Variants in KCNH7 observed in about 807,000 individuals in gnomAD.
KCNH7 encodes voltage-gated inwardly rectifying potassium channel KCNH7.
A neutral mutation model predicts 120.8 loss-of-function variants in KCNH7; 49 were observed. The observed-to-expected ratio is 0.41, with a 90% CI of 0.32 to 0.51. KCNH7 has a LOEUF of 0.51. Ranked by LOEUF, KCNH7 falls within the 20% of genes least tolerant of loss-of-function variation. The probability of loss-of-function intolerance (pLI) is 0.38; values close to 1 mark genes in which losing one functional copy is unlikely to be tolerated. For synonymous variants in KCNH7, 547 were observed against 516.1 expected (o/e 1.06, Z -0.81); for missense variants, 1,097 against 1,446.6 (o/e 0.76, Z 3.92).
intron 2 of KCNH7, among the ~76,000 whole-genome samples, chr2:162,772,180 TATC>T (rs1683080369): frequency 6.6e-6 from 1 of 152,102 alleles, no homozygotes; most frequent in South Asian, 2.1e-4. Flanking sequence ...AGGCCAAAAA[TATC>T]ATAAAGAATG....
At chr2:162,756,593 T>G (rs1688796996) in intron 2 of KCNH7, among the ~76,000 whole-genome samples, 1 of 152,142 alleles carries the variant, frequency 6.6e-6, no homozygotes, top group African/African-American at 2.4e-5. Context: ...GCTTCCTGAA[T>G]AGCTGGGACT....
intron 2 of KCNH7, among the ~76,000 whole-genome samples, chr2:162,742,968 T>G (rs1411134073): frequency 1.3e-5 from 2 of 152,232 alleles, no homozygotes; most frequent in Non-Finnish European, 2.9e-5. Flanking sequence ...TGTTATTCTT[T>G]GCTTTCAGTA....
intron 6 of KCNH7, among the ~76,000 whole-genome samples, chr2:162,480,211 T>G (rs1319475811): frequency 6.6e-6 from 1 of 152,146 alleles, no homozygotes; most frequent in East Asian, 1.9e-4. Flanking sequence ...GTGTATGCAT[T>G]TTTTTGTGGT....
intron 2 of KCNH7, among the ~76,000 whole-genome samples, chr2:162,777,336 G>T (rs1559128833): frequency 6.6e-6 from 1 of 152,016 alleles, no homozygotes; most frequent in Admixed American, 6.6e-5. Flanking sequence ...CAATGTAAAT[G>T]CCATATCAAT....
chr2:162,827,704 T>A (rs948634385), intron 2 of KCNH7, among the ~76,000 whole-genome samples: 1 of 152,142 alleles, frequency 6.6e-6, no homozygotes, highest in Non-Finnish European at 1.5e-5. Context: ...AAGAGGTGTA[T>A]CATTTGGAGG....
chr2:162,667,157 C>A (rs1460932261), intron 2 of KCNH7, among the ~76,000 whole-genome samples: 1 of 151,688 alleles, frequency 6.6e-6, no homozygotes, highest in Non-Finnish European at 1.5e-5. Flanking sequence ...GTAGCTGGGA[C>A]TATAGGTGTA....
chr2:162,699,374 T>C (rs1198006279), intron 2 of KCNH7, among the ~76,000 whole-genome samples: 1 of 152,182 alleles, frequency 6.6e-6, no homozygotes. Flanking sequence ...AATGGCTGAA[T>C]AGTATTTCAT....
At position 162,444,349 on chromosome 2, in the gene KCNH7, A is replaced by C. The variant is rs558246709; in HGVS notation, c.1554+1669T>G. On this transcript the variant is annotated intron_variant, in intron 7 of 15. Transcript: ENST00000332142. ...GAATAAATAAAGTATTATATTAGTA[A>C]TTAAGAGTAATGCAGAAAATAGAAC... Among the ~76,000 whole-genome samples, 7 of 152,286 alleles carry C rather than the reference A, an allele frequency of 4.6e-5. No homozygotes were observed. The South Asian group carries it at 1.4e-3, about 32-fold the overall frequency.
chr2:162,661,531 A>G (rs1684957950), intron 2 of KCNH7, among the ~76,000 whole-genome samples: 1 of 152,204 alleles, frequency 6.6e-6, no homozygotes, highest in Admixed American at 6.5e-5. Context: ...ATTATTTATG[A>G]AAGTGTCTGT....
chr2:162,386,591 A>C (rs1224231588), intron 12 of KCNH7, among the ~76,000 whole-genome samples: 1 of 151,702 alleles, frequency 6.6e-6, no homozygotes, highest in Non-Finnish European at 1.5e-5. Flanking sequence ...CAGGCCTCCT[A>C]TTTTCTCGAA....
chr2:162,636,000 T>C (rs7603387), intron 2 of KCNH7, among the ~76,000 whole-genome samples: 77,903 of 151,936 alleles, frequency 0.51, 20,195 homozygotes, highest in Middle Eastern at 0.62. Context: ...ACTTTACCTC[T>C]CTTGGAAGAG....
chr2:162,399,184 C>G (rs982200221), intron 10 of KCNH7, among the ~76,000 whole-genome samples: 3 of 151,590 alleles, frequency 2.0e-5, no homozygotes, highest in Non-Finnish European at 2.9e-5. Context: ...TAAGGATAGG[C>G]GTTATCATAG....
chr2:162,482,530 A>T (rs975537150), intron 6 of KCNH7, among the ~76,000 whole-genome samples: 1 of 152,130 alleles, frequency 6.6e-6, no homozygotes, highest in Non-Finnish European at 1.5e-5. Flanking sequence ...CAATAAAAGA[A>T]TTAACCTGTT....
intron 2 of KCNH7, among the ~76,000 whole-genome samples, chr2:162,792,276 A>G (rs62171412): frequency 0.053 from 8,109 of 152,102 alleles, 303 homozygotes; most frequent in South Asian, 0.11. Flanking sequence ...AGGTTTTGGT[A>G]TCACAATGAT....
chr2:162,404,677 A>G (rs1194975725), intron 9 of KCNH7, among the ~76,000 whole-genome samples: 1 of 151,910 alleles, frequency 6.6e-6, no homozygotes, highest in Non-Finnish European at 1.5e-5. Context: ...CCTCTGCAGG[A>G]GCCGAGCAGA....
chr2:162,404,130 G>C (rs932786643), intron 9 of KCNH7, among the ~76,000 whole-genome samples: 1 of 151,810 alleles, frequency 6.6e-6, no homozygotes, highest in Non-Finnish European at 1.5e-5. Context: ...GGCAGATCTG[G>C]CTACAAAGAG....
chr2:162,634,529 G>A (rs536393870), intron 2 of KCNH7, among the ~76,000 whole-genome samples: 137 of 152,214 alleles, frequency 9.0e-4, no homozygotes, highest in African/African-American at 2.9e-3. Context: ...TTATGTGTAA[G>A]TGTTGCAGCA....
intron 2 of KCNH7, among the ~76,000 whole-genome samples, chr2:162,820,375 C>T (rs1425166613): frequency 1.3e-5 from 2 of 151,934 alleles, no homozygotes; most frequent in African/African-American, 4.8e-5. Flanking sequence ...CACGCACAGC[C>T]TATTCCATAA....
At chr2:162,707,922 T>C (rs775607571) in intron 2 of KCNH7, among the ~76,000 whole-genome samples, 1 of 152,052 alleles carries the variant, frequency 6.6e-6, no homozygotes, top group Non-Finnish European at 1.5e-5. Context: ...CTCATTTTCA[T>C]CTAAACTTTA....
Sources: gnomAD v4.1 joint callset for allele counts (sites outside exome capture counted in the v4.1 genomes callset) on GRCh38, gnomAD v4.1.1 for gene constraint, MANE v1.5 for transcripts, NCBI Gene and HGNC (gene_info 2026-07-23, HGNC 2026-07-21) for gene names.